The following ANXA8 variants were observed in gnomAD, a reference collection of about 807,000 sequenced individuals.
ANXA8 encodes the protein VAC-beta.
A neutral mutation model predicts 26.8 loss-of-function variants in ANXA8; 9 were observed. That is an observed-to-expected ratio of 0.34 (90% CI 0.20 to 0.59). ANXA8 has a LOEUF of 0.59. ANXA8 is among the 20% of genes least tolerant of loss of function. ANXA8 has a pLI of 0.84. For synonymous variants in ANXA8, 39 were observed against 94.8 expected (o/e 0.41, Z 3.42); for missense variants, 83 against 238.5 (o/e 0.35, Z 4.29).
chr10:47,497,975 T>G, the ANXA8 span, among the ~76,000 whole-genome samples: 4 of 151,370 alleles, frequency 2.6e-5, no homozygotes, highest in African/African-American at 9.7e-5. Flanking sequence ...TATTTTGAAT[T>G]GTGGTAAAAT....
chr10:47,747,295 G>C, the ANXA8 span, among the ~76,000 whole-genome samples: 1 of 151,946 alleles, frequency 6.6e-6, no homozygotes, highest in Non-Finnish European at 1.5e-5. Flanking sequence ...ATGTAGAAGG[G>C]AGACACAGAA....
At chr10:47,672,924 G>A in the ANXA8 span, among the ~76,000 whole-genome samples, 1 of 151,464 alleles carries the variant, frequency 6.6e-6, no homozygotes, top group Non-Finnish European at 1.5e-5. Context: ...AGGATACAAG[G>A]GAGCCTAAAT....
At chr10:47,940,234 A>G in the ANXA8 span, among the ~76,000 whole-genome samples, 1 of 148,276 alleles carries the variant, frequency 6.7e-6, no homozygotes, top group African/African-American at 2.6e-5. Flanking sequence ...ACCCCGGCAA[A>G]CAAAGGGTGT....
At chr10:47,509,664 G>A in the ANXA8 span, among the ~76,000 whole-genome samples, 1 of 135,112 alleles carries the variant, frequency 7.4e-6, no homozygotes, top group Non-Finnish European at 1.6e-5. Flanking sequence ...TGGTGGTGGT[G>A]TTGGTTGTTG....
At chr10:47,776,901 C>T in the ANXA8 span, among the ~76,000 whole-genome samples, 4 of 151,350 alleles carry the variant, frequency 2.6e-5, no homozygotes, top group South Asian at 6.3e-4. Flanking sequence ...CTTCTCTATC[C>T]CTAGGTATTG....
chr10:47,666,086 G>T, the ANXA8 span, among the ~76,000 whole-genome samples: 1 of 150,334 alleles, frequency 6.7e-6, no homozygotes, highest in African/African-American at 2.5e-5. Flanking sequence ...AGTAGAACAA[G>T]AATCTTTAGA....
chr10:47,670,648 A>G, the ANXA8 span, among the ~76,000 whole-genome samples: 1 of 151,890 alleles, frequency 6.6e-6, no homozygotes, highest in Admixed American at 6.6e-5. Flanking sequence ...CTTGTTGGCC[A>G]TTTGTATATC....
the ANXA8 span, among the ~76,000 whole-genome samples, chr10:47,493,586 C>A: frequency 6.6e-6 from 1 of 150,504 alleles, no homozygotes. Flanking sequence ...TGAGCTCCCA[C>A]CCTAGGGTAC....
the ANXA8 span, among the ~76,000 whole-genome samples, chr10:47,743,377 T>TATATATAC: frequency 2.6e-5 from 1 of 38,296 alleles, no homozygotes; most frequent in African/African-American, 7.8e-5. Flanking sequence ...TATACATATA[T>TATATATAC]ATGTGTGTGT....
At chr10:47,755,181 T>C in the ANXA8 span, among the ~76,000 whole-genome samples, 1 of 151,616 alleles carries the variant, frequency 6.6e-6, no homozygotes, top group Non-Finnish European at 1.5e-5. Flanking sequence ...GGTCTTGATC[T>C]CTTGATGTCG....
At chr10:47,495,409 C>A in the ANXA8 span, among the ~76,000 whole-genome samples, 14 of 150,466 alleles carry the variant, frequency 9.3e-5, no homozygotes, top group African/African-American at 2.9e-4. Flanking sequence ...CCTCAGCCTC[C>A]CGAGTAGCTG....
the ANXA8 span, among the ~76,000 whole-genome samples, chr10:47,693,628 A>G: frequency 6.6e-6 from 1 of 151,840 alleles, no homozygotes; most frequent in African/African-American, 2.4e-5. Context: ...ACAAAATTGT[A>G]ATGAACAGGC....
the ANXA8 span, among the ~76,000 whole-genome samples, chr10:47,897,033 C>T: frequency 1.5e-5 from 2 of 129,536 alleles, no homozygotes; most frequent in South Asian, 2.8e-4. Context: ...CGGGTTCAAG[C>T]GATTGTCCTA....
the ANXA8 span, among the ~76,000 whole-genome samples, chr10:47,519,156 C>A: frequency 1.5e-5 from 2 of 136,982 alleles, 1 homozygote; most frequent in Non-Finnish European, 3.1e-5. Flanking sequence ...AGCAAATTCT[C>A]ATTATGGTAA....
At chr10:47,985,834 T>C in the ANXA8 span, 1 of 150,216 alleles carries the variant, frequency 6.7e-6, no homozygotes, top group Non-Finnish European at 1.5e-5. Context: ...AATGGAATCA[T>C]ACAATGTTTA....
At chr10:47,535,848 C>T in the ANXA8 span, among the ~76,000 whole-genome samples, 2 of 28,302 alleles carry the variant, frequency 7.1e-5, no homozygotes, top group East Asian at 2.1e-3. Flanking sequence ...ATGGAATGAA[C>T]GTTGTGTTCC....
chr10:47,724,402 G>T, the ANXA8 span, among the ~76,000 whole-genome samples: 355 of 141,358 alleles, frequency 2.5e-3, 26 homozygotes, highest in African/African-American at 8.4e-3. Context: ...TGTTTCCTCT[G>T]CAGTCTCATC....
the ANXA8 span, among the ~76,000 whole-genome samples, chr10:47,684,712 C>A: frequency 1.3e-5 from 2 of 151,586 alleles, no homozygotes; most frequent in South Asian, 4.2e-4. Context: ...CAGCCTCTGG[C>A]GTAGCTGGGA....
At chr10:47,733,285 TTC>T in the ANXA8 span, among the ~76,000 whole-genome samples, 10 of 92,632 alleles carry the variant, frequency 1.1e-4, no homozygotes, top group African/African-American at 3.3e-4. Flanking sequence ...CTTTCTTTCT[TTC>T]TTTCTTTCTT....
Sources: gnomAD v4.1 joint callset for allele counts (sites outside exome capture counted in the v4.1 genomes callset) on GRCh38, gnomAD v4.1.1 for gene constraint, MANE v1.5 for transcripts, NCBI Gene and HGNC (gene_info 2026-07-23, HGNC 2026-07-21) for gene names.